CASTOR2: variants seen among roughly 807,000 people sequenced by gnomAD.
CASTOR2 encodes the protein cytosolic arginine sensor for mTORC1 subunit 2.
CASTOR2 carries 8 observed loss-of-function variants against 31.2 expected under a neutral mutation model. The ratio of observed to expected loss-of-function variants is 0.26; its 90% CI spans 0.15 to 0.46. CASTOR2 has a LOEUF of 0.46. Ranked by LOEUF, CASTOR2 falls within the 20% of genes least tolerant of loss-of-function variation. The pLI is 0.99. For missense variants in CASTOR2, 216 were observed against 382.1 expected (o/e 0.57, Z 3.62); for synonymous variants, 162 against 158.7 (o/e 1.02, Z -0.16).
chr7:75,008,192 C>T, intron 2 of CASTOR2, 128 bp downstream of exon 2: 1 of 1,206,480 alleles, frequency 8.3e-7, no homozygotes, highest in Admixed American at 1.8e-5. Context: ...TTACTTCTGC[C>T]CTCATCTGCT....
At chr7:75,012,671 C>T (rs1489238131) in intron 2 of CASTOR2, among the ~76,000 whole-genome samples, 6 of 148,694 alleles carry the variant, frequency 4.0e-5, no homozygotes, top group African/African-American at 1.5e-4. Context: ...TGGAGTCTCG[C>T]TCTGTTGTCC....
chr7:74,993,412 C>T (rs1804258796), intron 1 of CASTOR2, among the ~76,000 whole-genome samples: 1 of 150,304 alleles, frequency 6.7e-6, no homozygotes, highest in African/African-American at 2.4e-5. Context: ...CCCACCTCTA[C>T]ATCTGGGTGG....
chr7:75,023,470 GTTTTTTGTTT>G (rs1805055492), intron 7 of CASTOR2, among the ~76,000 whole-genome samples: 1 of 24,946 alleles, frequency 4.0e-5, no homozygotes. Context: ...TTTTCTTTTT[GTTTTTTGTTT>G]TTTTTTTTTT....
chr7:74,993,656 G>A (rs2131933132), intron 1 of CASTOR2, among the ~76,000 whole-genome samples: 1 of 151,666 alleles, frequency 6.6e-6, no homozygotes, highest in South Asian at 2.1e-4. Context: ...TCACCATGTT[G>A]CCCAGGCTGG....
Position 75,030,027 on chromosome 7 carries a change from A to C in CASTOR2, c.*5328A>C, listed in dbSNP as rs896319405. Reference sequence around the variant, plus strand: ...TAACGAAAGAGGCCCCAGGGAAGGAAGCCAGCCAGGAGCAGCCTGGAGCAG... The same window carrying C: ...TAACGAAAGAGGCCCCAGGGAAGGACGCCAGCCAGGAGCAGCCTGGAGCAG... On this transcript the variant is annotated 3_prime_UTR_variant, in exon 9 of 9. Coordinates refer to ENST00000616305, the MANE Select transcript of CASTOR2 (RefSeq NM_001145064.3). Among the ~76,000 whole-genome samples, 1 of 152,212 alleles carries C rather than the reference A, an allele frequency of 6.6e-6. No individual in the cohort carries two copies. The highest frequency in any genetic ancestry group is 1.5e-5 in the Non-Finnish European group (1 of 68,042).
intron 1 of CASTOR2, among the ~76,000 whole-genome samples, chr7:74,991,547 C>T (rs1359559190): frequency 7.2e-5 from 11 of 152,150 alleles, no homozygotes; most frequent in Admixed American, 2.0e-4. Flanking sequence ...GACAAAGCCT[C>T]CTTGGTCTCT....
intron 1 of CASTOR2, among the ~76,000 whole-genome samples, chr7:74,989,157 G>C (rs2131928670): frequency 6.6e-6 from 1 of 151,632 alleles, no homozygotes; most frequent in African/African-American, 2.4e-5. Flanking sequence ...AATTTTACGG[G>C]GTTTCACCGT....
Position 75,029,935 on chromosome 7 carries a change from A to G in CASTOR2, c.*5236A>G, listed in dbSNP as rs1180611294. Among the ~76,000 whole-genome samples, 1 of 152,200 alleles carries G rather than the reference A, an allele frequency of 6.6e-6. No homozygotes were observed. The highest frequency in any genetic ancestry group is 1.5e-5 in the Non-Finnish European group (1 of 68,044). On this transcript the variant is annotated 3_prime_UTR_variant, in exon 9 of 9. Transcript: ENST00000616305. ...CACTTTGGGAGACCAAGGTGGGAGG[A>G]TAGCTTGAGGCCAAGATAGCAAGAC...
rs1414616061 is a variant in CASTOR2 at position 75,024,667 on chromosome 7, G to A, written c.958G>A (p.Ala320Thr). The A allele has an allele frequency of 3.5e-5, 54 of 1,551,630 alleles. No individual in the cohort carries two copies. Among genetic ancestry groups the A allele is most frequent in the Non-Finnish European group, 4.7e-5 (54 of 1,146,864 alleles). Reference sequence around the variant, plus strand: ...AGAGAACATCAATGGTGTCATCAGTGCCCTGAAGGTCAGCCAAGCAGAGAA... The same window carrying A: ...AGAGAACATCAATGGTGTCATCAGTACCCTGAAGGTCAGCCAAGCAGAGAA... The part of the protein sequence containing the change: ...PEENINGVIS[A>T]LKVSQAEKH The change falls in exon 9 of 9, where the codon GCC (alanine) becomes ACC (threonine). Residue 320 changes from alanine to threonine, a missense_variant. Around this residue, in one of 5 missense-constraint regions of CASTOR2, gnomAD observed 31 missense variants for 32.7 expected, o/e 0.95. Coordinates refer to ENST00000616305, the MANE Select transcript of CASTOR2 (RefSeq NM_001145064.3).
chr7:74,999,095 A>G (rs1270711497), intron 1 of CASTOR2, among the ~76,000 whole-genome samples: 2 of 151,788 alleles, frequency 1.3e-5, no homozygotes, highest in African/African-American at 4.8e-5. Context: ...TCCTGTGCTC[A>G]CACCATTCTC....
At position 75,028,793 on chromosome 7, in the gene CASTOR2, C is replaced by T. The variant is rs1805216483; in HGVS notation, c.*4094C>T. Among the ~76,000 whole-genome samples, 1 of 152,216 alleles carries T rather than the reference C, an allele frequency of 6.6e-6. No individual in the cohort carries two copies. Among genetic ancestry groups the T allele is most frequent in the South Asian group, 2.1e-4 (1 of 4,836 alleles). Reference sequence around the variant, plus strand: ...CAAGGGGCACTGCCCACACCACTGTCCTCAGCCCGAGGCATGCATCTGAGC... The same window carrying T: ...CAAGGGGCACTGCCCACACCACTGTTCTCAGCCCGAGGCATGCATCTGAGC... On this transcript the variant is annotated 3_prime_UTR_variant, in exon 9 of 9. Coordinates refer to ENST00000616305, the MANE Select transcript of CASTOR2 (RefSeq NM_001145064.3).
rs1805117042 is a variant in CASTOR2 at position 75,025,932 on chromosome 7, T to G, written c.*1233T>G. Among the ~76,000 whole-genome samples, 2 of 152,196 alleles carry G rather than the reference T, an allele frequency of 1.3e-5. No individual in the cohort carries two copies. The highest frequency in any genetic ancestry group is 4.8e-5 in the African/African-American group (2 of 41,548). ...TGGGCCCTCTCTTCTGAAGGGAAGC[T>G]AGGAGCAGAGATCTGTTACAAGACG... On this transcript the variant is annotated 3_prime_UTR_variant, in exon 9 of 9. Coordinates refer to ENST00000616305, the MANE Select transcript of CASTOR2 (RefSeq NM_001145064.3).
At position 75,022,103 on chromosome 7, in the gene CASTOR2, C is replaced by T. The variant is rs1805019714; in HGVS notation, c.829+147C>T. On this transcript the variant is annotated intron_variant, in intron 7 of 8. Coordinates refer to ENST00000616305, the MANE Select transcript of CASTOR2 (RefSeq NM_001145064.3). The stretch of plus-strand genomic sequence containing the variant: ...GGGAGCCTGAAATTTCTGTTGCTCA[C>T]TGGTGTGTGGCAGCTGTACACAGGC... 3 of 938,106 alleles carry T rather than the reference C, an allele frequency of 3.2e-6. No individual in the cohort carries two copies. The South Asian group carries it at 4.3e-5, about 13-fold the overall frequency. 58.1% of individuals were successfully genotyped at this position (938,106 alleles called of 1,614,324 possible). A position where few individuals can be genotyped will look rare whatever the true frequency, so the allele number is the denominator to read the frequency against.
intron 7 of CASTOR2, among the ~76,000 whole-genome samples, chr7:75,023,945 A>C (rs1043761664): frequency 2.0e-5 from 3 of 152,154 alleles, no homozygotes; most frequent in African/African-American, 7.2e-5. Flanking sequence ...GCCAGCGACC[A>C]GAGAAGGCTC....
chr7:74,999,991 G>C (rs1431518678), intron 1 of CASTOR2, among the ~76,000 whole-genome samples: 1 of 152,174 alleles, frequency 6.6e-6, no homozygotes, highest in Non-Finnish European at 1.5e-5. Context: ...TTGGGAGGCC[G>C]AGGCTTGGGA....
At position 74,990,079 on chromosome 7, in the gene CASTOR2, A is replaced by G. The variant is rs1554437139; in HGVS notation, c.114-17915A>G. On this transcript the variant is annotated intron_variant, in intron 1 of 8. Coordinates refer to ENST00000616305, the MANE Select transcript of CASTOR2 (RefSeq NM_001145064.3). Reference sequence around the variant, plus strand: ...ATAAGAAACCATGACCCAAGCTCAGATTTTATCTCATTAAAAACATGTTTT... The same window carrying G: ...ATAAGAAACCATGACCCAAGCTCAGGTTTTATCTCATTAAAAACATGTTTT... 8.2e-3 allele frequency among the ~76,000 whole-genome samples: 1,247 copies of G among 152,140 alleles called. 17 individuals carry two copies. Among genetic ancestry groups the G allele is most frequent in the African/African-American group, 0.029 (1,190 of 41,514 alleles).
rs1262876103 is a variant in CASTOR2 at position 75,024,828 on chromosome 7, A to T, written c.*129A>T. The T allele has an allele frequency of 1.2e-5, 18 of 1,545,570 alleles. No homozygotes were observed. The African/African-American group carries it at 2.1e-4, about 18-fold the overall frequency. ...CCTGAGGAAGGGGCCTCTGTGGGAG[A>T]CTCCCTCGATTGCCAATCCCTCCAG... On this transcript the variant is annotated 3_prime_UTR_variant, in exon 9 of 9. Transcript: ENST00000616305.
At chr7:75,023,558 G>A (rs1805058304) in intron 7 of CASTOR2, among the ~76,000 whole-genome samples, 1 of 149,652 alleles carries the variant, frequency 6.7e-6, no homozygotes, top group Non-Finnish European at 1.5e-5. Flanking sequence ...CCTGGGTTCA[G>A]CCTCCCAAGT....
intron 1 of CASTOR2, among the ~76,000 whole-genome samples, chr7:74,968,856 CTG>C (rs587742672): frequency 0.029 from 4 of 140 alleles, no homozygotes; most frequent in African/African-American, 0.17. Flanking sequence ...AACATTTAAA[CTG>C]TTACAGGCAT....
Sources: gnomAD v4.1 joint callset for allele counts (sites outside exome capture counted in the v4.1 genomes callset) on GRCh38, gnomAD v4.1.1 for gene constraint, gnomAD v4.1.1 regional missense constraint, MANE v1.5 for transcripts, NCBI Gene and HGNC (gene_info 2026-07-23, HGNC 2026-07-21) for gene names.